Variants in SND1 observed in about 807,000 individuals in gnomAD.
The protein encoded by SND1 is staphylococcal nuclease and tudor domain containing 1, also known as staphylococcal nuclease domain-containing protein 1.
A neutral mutation model predicts 121.7 loss-of-function variants in SND1; 38 were observed. That is an observed-to-expected ratio of 0.31 (90% CI 0.24 to 0.41). The LOEUF is 0.41. SND1 is among the 10% of genes least tolerant of loss of function. The probability of loss-of-function intolerance (pLI) is 1.00; values close to 1 mark genes in which losing one functional copy is unlikely to be tolerated. For synonymous variants in SND1, 401 were observed against 447.4 expected (o/e 0.90, Z 1.31); for missense variants, 868 against 1,184.6 (o/e 0.73, Z 3.92).
intron 12 of SND1, among the ~76,000 whole-genome samples, chr7:127,878,861 A>G (rs773025087): frequency 2.0e-5 from 3 of 152,112 alleles, no homozygotes; most frequent in Non-Finnish European, 2.9e-5. Flanking sequence ...AATGTTTCCA[A>G]TTATCGAGGC....
chr7:127,785,560 T>C (rs1797797479), intron 10 of SND1, among the ~76,000 whole-genome samples: 1 of 152,246 alleles, frequency 6.6e-6, no homozygotes, highest in East Asian at 1.9e-4. Context: ...ATTCAATATC[T>C]TTCTGGGTGA....
intron 11 of SND1, among the ~76,000 whole-genome samples, chr7:127,821,475 T>C (rs1172622597): frequency 6.6e-6 from 1 of 152,224 alleles, no homozygotes; most frequent in African/African-American, 2.4e-5. Context: ...AACTGTTGTC[T>C]CCAGGTTGAT....
chr7:127,883,979 A>G lies in SND1; in HGVS notation c.1344-3923A>G, dbSNP rs527952756. Among the ~76,000 whole-genome samples, 48 of 152,222 alleles carry G rather than the reference A, an allele frequency of 3.2e-4. 1 individual carries two copies. In the Middle Eastern group the frequency reaches 0.014, roughly 43 times the overall value. On this transcript the variant is annotated intron_variant, in intron 12 of 23. Transcript: ENST00000354725. ...CTATTTTACTCTTTCTAATTAATAG[A>G]TATTTTGTGAGGAGACACTTTGAAC...
At chr7:128,031,306 C>G (rs921438968) in intron 16 of SND1, among the ~76,000 whole-genome samples, 1 of 151,550 alleles carries the variant, frequency 6.6e-6, no homozygotes, top group Non-Finnish European at 1.5e-5. Context: ...TCCGGCGGCC[C>G]CGGCCCGCTC....
At chr7:127,663,896 A>G (rs1428674860) in intron 1 of SND1, among the ~76,000 whole-genome samples, 1 of 151,950 alleles carries the variant, frequency 6.6e-6, no homozygotes, top group African/African-American at 2.4e-5. Flanking sequence ...CTTTTTTCCT[A>G]TTTGCTGGCT....
At chr7:127,901,609 C>T (rs149244432) in intron 13 of SND1, among the ~76,000 whole-genome samples, 1 of 152,124 alleles carries the variant, frequency 6.6e-6, no homozygotes, top group Non-Finnish European at 1.5e-5. Context: ...TACTAAGAGG[C>T]TAGAGTGCTT....
At chr7:128,081,577 C>G in intron 18 of SND1, 76 bp downstream of exon 18, 1 of 1,563,334 alleles carries the variant, frequency 6.4e-7, no homozygotes, top group South Asian at 1.1e-5. Context: ...GGGCCTCTGC[C>G]CAGTGGGTGG....
At position 128,086,979 on chromosome 7, in the gene SND1, T is replaced by C; in HGVS notation, c.2346T>C (p.Pro782=). ...CCACCCGCCTGGGTACCCTATCACC[T>C]GCCTTCAGCACTCGGGTGCTGCCAG... is the stretch of plus-strand genomic sequence containing the variant. The part of the protein sequence containing the change: ...LPSTRLGTLS[P]AFSTRVLPAQ... The change falls in exon 21 of 24, where the codon CCT becomes CCC. Residue 782 remains proline (P), a synonymous_variant. Coordinates refer to ENST00000354725, the MANE Select transcript of SND1 (RefSeq NM_014390.4). The C allele has an allele frequency of 6.2e-7, 1 of 1,614,220 alleles. No individual in the cohort carries two copies. The highest frequency in any genetic ancestry group is 8.5e-7 in the Non-Finnish European group (1 of 1,180,038).
intron 12 of SND1, among the ~76,000 whole-genome samples, chr7:127,870,860 A>G (rs755413166): frequency 3.3e-5 from 5 of 152,196 alleles, no homozygotes; most frequent in East Asian, 1.9e-4. Context: ...TGTAACTTTT[A>G]TAATGCTTAA....
intron 10 of SND1, among the ~76,000 whole-genome samples, chr7:127,758,728 T>A (rs1370518608): frequency 6.6e-6 from 1 of 152,122 alleles, no homozygotes; most frequent in East Asian, 1.9e-4. Flanking sequence ...CATAGCAATT[T>A]TCAAAGGGAG....
rs575239987 is a variant in SND1 at position 127,813,244 on chromosome 7, G to C, written c.1242+5671G>C. On this transcript the variant is annotated intron_variant, in intron 11 of 23. Coordinates refer to ENST00000354725, the MANE Select transcript of SND1 (RefSeq NM_014390.4). ...TGTGTCAACATGCATTGGAGACCAT[G>C]TTTCATTTTAGATGCTCTTTACCCT... 2.0e-5 allele frequency among the ~76,000 whole-genome samples: 3 copies of C among 152,312 alleles called. No homozygotes were observed. The South Asian group carries it at 6.2e-4, about 32-fold the overall frequency.
chr7:127,655,631 C>T (rs1295502982), intron 1 of SND1, among the ~76,000 whole-genome samples: 1 of 151,966 alleles, frequency 6.6e-6, no homozygotes, highest in African/African-American at 2.4e-5. Context: ...TTCTCGAAAC[C>T]CTGAAGGATT....
chr7:128,027,269 C>G (rs896987799), intron 16 of SND1: 7 of 152,284 alleles, frequency 4.6e-5, no homozygotes, highest in Non-Finnish European at 7.4e-5. Context: ...AGATCTCTGC[C>G]TTCCCCACCC....
chr7:127,701,057 T>C, intron 4 of SND1, 106 bp from the exon 5 acceptor site: 1 of 1,242,510 alleles, frequency 8.0e-7, no homozygotes. Flanking sequence ...AAACAGACCT[T>C]TGTTGTCTTC....
chr7:127,973,168 G>A (rs1440357397), intron 15 of SND1, among the ~76,000 whole-genome samples: 3 of 152,298 alleles, frequency 2.0e-5, no homozygotes, highest in South Asian at 2.1e-4. Context: ...AGAGCATGAG[G>A]AAGAGAGAGG....
At chr7:127,917,812 A>C (rs992233586) in intron 14 of SND1, among the ~76,000 whole-genome samples, 2 of 152,226 alleles carry the variant, frequency 1.3e-5, no homozygotes, top group Non-Finnish European at 2.9e-5. Flanking sequence ...TTTTGATGGA[A>C]TCACAGAGCA....
intron 14 of SND1, among the ~76,000 whole-genome samples, chr7:127,908,352 GT>G (rs1800388080): frequency 2.0e-5 from 3 of 151,324 alleles, no homozygotes; most frequent in Non-Finnish European, 4.4e-5. Flanking sequence ...GTGTGTGTGT[GT>G]GTGTGTGCGT....
intron 16 of SND1, among the ~76,000 whole-genome samples, chr7:128,062,279 G>A (rs759347592): frequency 4.6e-5 from 7 of 152,200 alleles, no homozygotes; most frequent in Non-Finnish European, 7.3e-5. Context: ...TTTCTGCTTG[G>A]CACATGGAGG....
intron 10 of SND1, among the ~76,000 whole-genome samples, chr7:127,732,041 C>A (rs1796686433): frequency 6.6e-6 from 1 of 152,238 alleles, no homozygotes; most frequent in African/African-American, 2.4e-5. Flanking sequence ...CCTGTGGGAA[C>A]ACGCTGTCTC....
Sources: allele counts gnomAD v4.1 joint callset (sites outside exome capture counted in the v4.1 genomes callset), GRCh38; gene constraint gnomAD v4.1.1; transcripts MANE v1.5; gene names NCBI Gene and HGNC (gene_info 2026-07-23, HGNC 2026-07-21).